The following ABRA variants were observed in gnomAD, a reference collection of about 807,000 sequenced individuals.
The protein encoded by ABRA is actin binding Rho activating protein, also known as actin-binding Rho-activating protein.
A neutral mutation model predicts 33.4 loss-of-function variants in ABRA; 25 were observed. That is an observed-to-expected ratio of 0.75 (90% CI 0.55 to 1.04). The LOEUF is 1.04. Among genes scored for constraint, ABRA ranks in the 50% least tolerant of loss-of-function variants. The probability of loss-of-function intolerance (pLI) is 0.00; values close to 1 mark genes in which losing one functional copy is unlikely to be tolerated. For missense variants in ABRA, 501 were observed against 491.7 expected, an observed-to-expected ratio of 1.02 and a Z score of -0.18; for synonymous variants, 193 against 176.8, an observed-to-expected ratio of 1.09 and a Z score of -0.73.
Position 106,761,369 on chromosome 8 carries a change from C to T in ABRA, c.814G>A (p.Glu272Lys), listed in dbSNP as rs1245771213. ...TGTAGGCGGGTGGACATGGCCAGCT[C>T]GTAATCAAACTCTTCACTGAAAGGA... ...LNPFSEEFDY[E>K]LAMSTRLHKG... The change falls in exon 2 of 2, where the codon GAG becomes AAG. Residue 272 changes from glutamate (E) to lysine (K), a missense_variant. By Grantham distance (56) the Glu-to-Lys change is moderately conservative (BLOSUM62 1). Coordinates refer to ENST00000311955, the MANE Select transcript of ABRA (RefSeq NM_139166.5). 2 of 1,614,072 alleles carry T rather than the reference C, an allele frequency of 1.2e-6. No individual in the cohort carries two copies. The highest frequency in any genetic ancestry group is 2.2e-5 in the East Asian group (1 of 44,870).
In ABRA at chr8:106,761,518, AAGT is replaced by A; in HGVS notation, c.669-7_669-5del. On this transcript the variant is annotated splice_region_variant and splice_polypyrimidine_tract_variant and intron_variant, in intron 1 of 1. Transcript: ENST00000311955. The stretch of plus-strand genomic sequence containing the variant: ...TTTCTCTGTAAATCTGTTTACCCTA[AAGT>A]AGAGAGAGGGTGAACAATCAAGATT... 6.2e-7 allele frequency: 1 copy of A among 1,605,872 alleles called. No homozygotes were observed. Among genetic ancestry groups the A allele is most frequent in the Non-Finnish European group, 8.5e-7 (1 of 1,175,036 alleles).
chr8:106,763,200 C>A (rs1443945337), intron 1 of ABRA, among the ~76,000 whole-genome samples: 1 of 152,182 alleles, frequency 6.6e-6, no homozygotes, highest in Non-Finnish European at 1.5e-5. Context: ...TACATACTTA[C>A]ATTAACATTG....
At chr8:106,768,090 A>C (rs1810532712) in intron 1 of ABRA, among the ~76,000 whole-genome samples, 1 of 143,006 alleles carries the variant, frequency 7.0e-6, no homozygotes, top group Non-Finnish European at 1.5e-5. Flanking sequence ...GTGAGACTTC[A>C]TCTCAAAAAA....
chr8:106,764,634 G>A (rs923275964), intron 1 of ABRA, among the ~76,000 whole-genome samples: 2 of 152,080 alleles, frequency 1.3e-5, no homozygotes, highest in African/African-American at 4.8e-5. Flanking sequence ...TCCAGGCTGG[G>A]TGACAGAGAC....
rs753167549 is a variant in ABRA at position 106,761,473 on chromosome 8, T to C, written c.710A>G (p.Gln237Arg). 6.2e-7 allele frequency: 1 copy of C among 1,614,152 alleles called. No homozygotes were observed. Among genetic ancestry groups the C allele is most frequent in the Non-Finnish European group, 8.5e-7 (1 of 1,180,022 alleles). ...FTEKLNCKAQ[Q>R]KYSPVGNLKG... ...CAAGTTGCCCACTGGGCTATATTTC[T>C]GTTGGGCTTTGCAGTTGAGTTTCTC... is the stretch of plus-strand genomic sequence containing the variant. Residue 237 changes from glutamine to arginine, a missense_variant, in exon 2 of 2, where the codon CAG becomes CGG. Transcript: ENST00000311955.
chr8:106,762,946 C>T (rs1313983911), intron 1 of ABRA, among the ~76,000 whole-genome samples: 3 of 152,186 alleles, frequency 2.0e-5, no homozygotes, highest in Non-Finnish European at 4.4e-5. Flanking sequence ...CCATCACAAG[C>T]GTCCCACCCT....
In ABRA at chr8:106,770,194, G is replaced by T. The variant is rs1227917803; in HGVS notation, c.-4C>A. On this transcript the variant is annotated 5_prime_UTR_variant, in exon 1 of 2. Transcript: ENST00000311955. ...TTTCCTTTTCGCCCGGAGCCATGCT[G>T]CCCACCTGTCTTTCTCTGCTGATAG... 1 of 1,598,630 alleles carries T rather than the reference G, an allele frequency of 6.3e-7. No individual in the cohort carries two copies. The highest frequency in any genetic ancestry group is 1.7e-5 in the Admixed American group (1 of 59,566).
chr8:106,761,566 T>C, intron 1 of ABRA, 52 bp from the exon 2 acceptor site: 1 of 1,480,818 alleles, frequency 6.8e-7, no homozygotes, highest in Non-Finnish European at 9.2e-7. Context: ...TAACACCGAG[T>C]GTTGTTTTCC....
At chr8:106,763,163 G>A (rs1836160989) in intron 1 of ABRA, among the ~76,000 whole-genome samples, 1 of 152,148 alleles carries the variant, frequency 6.6e-6, no homozygotes, top group African/African-American at 2.4e-5. Flanking sequence ...CCCAAAGGCT[G>A]GAACCAAACA....
Position 106,761,464 on chromosome 8 carries a change from C to T in ABRA, c.719G>A (p.Ser240Asn), listed in dbSNP as rs1401906787. Residue 240 changes from serine to asparagine, a missense_variant, in exon 2 of 2, where the codon AGC becomes AAC. Ser to Asn is a conservative substitution (Grantham distance 46, BLOSUM62 1). Transcript: ENST00000311955. The stretch of plus-strand genomic sequence containing the variant: ...TCTCCCTTTCAAGTTGCCCACTGGG[C>T]TATATTTCTGTTGGGCTTTGCAGTT... ...KLNCKAQQKYSPVGNLKGRWQ... is the reference protein window; with the variant it reads ...KLNCKAQQKYNPVGNLKGRWQ... 28 of 1,614,044 alleles carry T rather than the reference C, an allele frequency of 1.7e-5. No homozygotes were observed. The highest frequency in any genetic ancestry group is 2.4e-5 in the Non-Finnish European group (28 of 1,180,040).
chr8:106,761,411 G>A lies in ABRA; in HGVS notation c.772C>T (p.Gln258Ter). ...RWQQWADEHI[Q>*]SQKLNPFSEE... ...CTGAAAGGATTGAGCTTCTGGGATT[G>A]TATGTGTTCATCAGCCCACTGCTGC... is the stretch of plus-strand genomic sequence containing the variant. Residue 258 changes from glutamine (Q) to a stop codon, truncating the protein, a stop_gained, in exon 2 of 2, where the codon CAA (glutamine) becomes TAA (stop). Transcript: ENST00000311955. LOFTEE classifies it high-confidence loss of function. 6.2e-7 allele frequency: 1 copy of A among 1,614,176 alleles called. No homozygotes were observed. The highest frequency in any genetic ancestry group is 8.5e-7 in the Non-Finnish European group (1 of 1,180,038).
chr8:106,769,531 C>T lies in ABRA; in HGVS notation c.660G>A (p.Leu220=). 2 of 1,612,238 alleles carry T rather than the reference C, an allele frequency of 1.2e-6. No individual in the cohort carries two copies. Among genetic ancestry groups the T allele is most frequent in the Non-Finnish European group, 1.7e-6 (2 of 1,178,986 alleles). ...AGAATGCATTCACTTACTGGGAGGG[C>T]AAGGGGCGCTTGATCCTGACCACAG... is the stretch of plus-strand genomic sequence containing the variant. ...QVAVVRIKRP[L]PSQVNRFTEK... is the part of the protein sequence containing the mutation. Residue 220 remains leucine, a synonymous_variant, in exon 1 of 2, where the codon TTG becomes TTA. Transcript: ENST00000311955.
At chr8:106,762,438 A>G (rs2131630373) in intron 1 of ABRA, among the ~76,000 whole-genome samples, 1 of 152,364 alleles carries the variant, frequency 6.6e-6, no homozygotes, top group East Asian at 1.9e-4. Flanking sequence ...TTGCGTTTTA[A>G]ATGTGTATAT....
chr8:106,765,293 T>G (rs1836199944), intron 1 of ABRA, among the ~76,000 whole-genome samples: 1 of 152,124 alleles, frequency 6.6e-6, no homozygotes, highest in African/African-American at 2.4e-5. Flanking sequence ...CTGAAAACAT[T>G]TCCTGGTGGT....
chr8:106,767,761 G>A (rs142659034), intron 1 of ABRA, among the ~76,000 whole-genome samples: 27 of 152,310 alleles, frequency 1.8e-4, no homozygotes, highest in African/African-American at 6.5e-4. Context: ...TGGCAGTGTA[G>A]TAGTTCTAAT....
chr8:106,761,136 G>T lies in ABRA; in HGVS notation c.1047C>A (p.Gly349=). 1 of 1,614,186 alleles carries T rather than the reference G, an allele frequency of 6.2e-7. No homozygotes were observed. The highest frequency in any genetic ancestry group is 8.5e-7 in the Non-Finnish European group (1 of 1,180,030). ...CATGTTTCCTGGCACGCATGAGAAT[G>T]CCCACTACTTTATCTGAAATACGAA... ...RYVRISDKVV[G]ILMRARKHGL... Residue 349 remains glycine, a synonymous_variant, in exon 2 of 2, where the codon GGC becomes GGA. Transcript: ENST00000311955.
intron 1 of ABRA, among the ~76,000 whole-genome samples, chr8:106,765,224 A>G (rs1217794092): frequency 6.6e-6 from 1 of 152,200 alleles, no homozygotes; most frequent in Non-Finnish European, 1.5e-5. Flanking sequence ...TCAAAAATAT[A>G]AATTAGCCAG....
chr8:106,762,908 A>G (rs1278700123), intron 1 of ABRA, among the ~76,000 whole-genome samples: 1 of 152,164 alleles, frequency 6.6e-6, no homozygotes, highest in African/African-American at 2.4e-5. Flanking sequence ...GAACTCTTGA[A>G]CTATCTAAAA....
chr8:106,765,710 C>T (rs1836210177), intron 1 of ABRA, among the ~76,000 whole-genome samples: 1 of 152,196 alleles, frequency 6.6e-6, no homozygotes, highest in African/African-American at 2.4e-5. Flanking sequence ...GCCTGTGATT[C>T]TCCTTGCAGA....
Sources: gnomAD v4.1 joint callset for allele counts (sites outside exome capture counted in the v4.1 genomes callset) on GRCh38, gnomAD v4.1.1 for gene constraint, MANE v1.5 for transcripts, NCBI Gene and HGNC (gene_info 2026-07-23, HGNC 2026-07-21) for gene names.